The following MALRD1 variants were observed in gnomAD, a reference collection of about 807,000 sequenced individuals.
The protein encoded by MALRD1 is MAM and LDL-receptor class A domain-containing protein 1.
MALRD1 carries 247 observed loss-of-function variants against 242.1 expected under a neutral mutation model. The ratio of observed to expected loss-of-function variants is 1.02; its 90% CI spans 0.92 to 1.13. The LOEUF (loss-of-function observed/expected upper bound fraction) is 1.13, where lower values mean the gene tolerates loss of function less well. Among genes scored for constraint, MALRD1 ranks in the 50% most tolerant of loss-of-function variants. MALRD1 has a pLI of 0.00. For missense variants in MALRD1, 2,989 were observed against 2,533.1 expected (o/e 1.18, Z -3.86); for synonymous variants, 995 against 866.6 (o/e 1.15, Z -2.60).
chr10:19,589,385 A>G (rs575066230), intron 33 of MALRD1, among the ~76,000 whole-genome samples: 1 of 152,298 alleles, frequency 6.6e-6, no homozygotes, highest in South Asian at 2.1e-4. Context: ...AATGAGAGTA[A>G]CTTTATTGCT....
intron 28 of MALRD1, among the ~76,000 whole-genome samples, chr10:19,402,124 T>G (rs1039237504): frequency 6.6e-6 from 1 of 152,168 alleles, no homozygotes; most frequent in Non-Finnish European, 1.5e-5. Flanking sequence ...CTCTACTTTT[T>G]CTCCAAGTCC....
chr10:19,111,430 CTT>C (rs1588560172), intron 5 of MALRD1, among the ~76,000 whole-genome samples: 1 of 152,250 alleles, frequency 6.6e-6, no homozygotes, highest in East Asian at 1.9e-4. Context: ...TTGTCTGAGC[CTT>C]TCACGTGAAT....
intron 25 of MALRD1, among the ~76,000 whole-genome samples, chr10:19,349,205 C>T (rs1844260940): frequency 6.6e-6 from 1 of 152,268 alleles, no homozygotes; most frequent in African/African-American, 2.4e-5. Context: ...AGGTGATCTG[C>T]CCACCTTGAC....
chr10:19,345,072 A>G (rs183274412), intron 24 of MALRD1, among the ~76,000 whole-genome samples: 1 of 152,222 alleles, frequency 6.6e-6, no homozygotes, highest in East Asian at 1.9e-4. Flanking sequence ...TAGGATATGA[A>G]ATTATAAGTT....
intron 18 of MALRD1, among the ~76,000 whole-genome samples, chr10:19,235,627 A>G (rs1169095401): frequency 1.5e-5 from 2 of 136,040 alleles, no homozygotes; most frequent in African/African-American, 2.7e-5. Flanking sequence ...CCTAGGTAAG[A>G]GGCCACCAAC....
intron 14 of MALRD1, among the ~76,000 whole-genome samples, chr10:19,194,635 C>T (rs1271089771): frequency 6.6e-6 from 1 of 152,126 alleles, no homozygotes; most frequent in Non-Finnish European, 1.5e-5. Flanking sequence ...TTTTCCTTGT[C>T]TGCTGTGTCT....
intron 21 of MALRD1, among the ~76,000 whole-genome samples, chr10:19,315,221 T>G (rs1169282399): frequency 8.8e-6 from 1 of 113,626 alleles, no homozygotes; most frequent in African/African-American, 3.5e-5. Flanking sequence ...TATATAAATA[T>G]ATAAATATAA....
chr10:19,083,114 C>G (rs1835547084), intron 2 of MALRD1, among the ~76,000 whole-genome samples: 1 of 152,058 alleles, frequency 6.6e-6, no homozygotes, highest in East Asian at 1.9e-4. Flanking sequence ...CCAAAAGTCT[C>G]ATCTTCAAAG....
chr10:19,489,184 T>G (rs886456087), intron 29 of MALRD1: 2 of 471,670 alleles, frequency 4.2e-6, no homozygotes, highest in Non-Finnish European at 8.7e-6. Flanking sequence ...GTAAACCTGC[T>G]CCTGCAAAAG....
chr10:19,353,367 T>C (rs1844482378), intron 26 of MALRD1, among the ~76,000 whole-genome samples: 1 of 152,188 alleles, frequency 6.6e-6, no homozygotes, highest in African/African-American at 2.4e-5. Flanking sequence ...TTCATTGATA[T>C]TTAAATTATA....
chr10:19,442,368 G>A (rs1457134640), intron 28 of MALRD1, among the ~76,000 whole-genome samples: 1 of 152,196 alleles, frequency 6.6e-6, no homozygotes, highest in South Asian at 2.1e-4. Flanking sequence ...GAATAGGAGT[G>A]GTGAGAGAGG....
At chr10:19,312,864 T>G (rs1006967501) in intron 21 of MALRD1, among the ~76,000 whole-genome samples, 1 of 151,422 alleles carries the variant, frequency 6.6e-6, no homozygotes, top group African/African-American at 2.4e-5. Flanking sequence ...GTGTTAGACA[T>G]GAGTAGAAAT....
At chr10:19,105,821 T>C (rs1339271271) in intron 5 of MALRD1, among the ~76,000 whole-genome samples, 1 of 151,976 alleles carries the variant, frequency 6.6e-6, no homozygotes, top group Non-Finnish European at 1.5e-5. Context: ...TATTGGTCAT[T>C]TTTCTGAGAA....
At chr10:19,462,978 A>G (rs1465664884) in intron 29 of MALRD1, among the ~76,000 whole-genome samples, 1 of 152,142 alleles carries the variant, frequency 6.6e-6, no homozygotes, top group Non-Finnish European at 1.5e-5. Flanking sequence ...TTGTGTATTA[A>G]TTATACTTAC....
intron 33 of MALRD1, among the ~76,000 whole-genome samples, chr10:19,587,674 G>A (rs1415922478): frequency 1.3e-5 from 2 of 152,192 alleles, no homozygotes; most frequent in Admixed American, 1.3e-4. Context: ...TTGTGGGAGG[G>A]CAAAGAAACA....
intron 14 of MALRD1, among the ~76,000 whole-genome samples, chr10:19,195,521 G>A (rs1836196974): frequency 6.6e-6 from 1 of 152,034 alleles, no homozygotes; most frequent in Non-Finnish European, 1.5e-5. Flanking sequence ...CTCTCTATTA[G>A]ACATCTTCCC....
intron 26 of MALRD1, among the ~76,000 whole-genome samples, chr10:19,379,300 G>T (rs1845738170): frequency 6.6e-6 from 1 of 151,846 alleles, no homozygotes; most frequent in South Asian, 2.1e-4. Context: ...TGTCTTTAAT[G>T]GATATTTCCT....
chr10:19,244,203 A>T (rs1244421957), intron 18 of MALRD1, among the ~76,000 whole-genome samples: 1 of 152,164 alleles, frequency 6.6e-6, no homozygotes, highest in Non-Finnish European at 1.5e-5. Context: ...AACTGCATTT[A>T]TTCTTCAACT....
chr10:19,411,759 T>C (rs1833284507), intron 28 of MALRD1, among the ~76,000 whole-genome samples: 1 of 152,170 alleles, frequency 6.6e-6, no homozygotes. Flanking sequence ...GGGACACTAG[T>C]ATTTTCCTAG....
Sources: allele counts gnomAD v4.1 joint callset (sites outside exome capture counted in the v4.1 genomes callset), GRCh38; gene constraint gnomAD v4.1.1; transcripts MANE v1.5; gene names NCBI Gene and HGNC (gene_info 2026-07-23, HGNC 2026-07-21).